Variants in CNTN1 observed in about 807,000 individuals in gnomAD.
The protein encoded by CNTN1 is contactin 1.
CNTN1 carries 38 observed loss-of-function variants against 126.4 expected under a neutral mutation model. That is an observed-to-expected ratio of 0.30 (90% CI 0.23 to 0.39). The LOEUF (loss-of-function observed/expected upper bound fraction) is 0.39. CNTN1 is among the 10% of genes least tolerant of loss of function. The pLI is 1.00. For synonymous variants in CNTN1, 413 were observed against 422.6 expected (o/e 0.98, Z 0.28); for missense variants, 1,009 against 1,248.4 (o/e 0.81, Z 2.89).
chr12:40,787,434 ACT>A (rs1940066932), intron 1 of CNTN1, among the ~76,000 whole-genome samples: 1 of 151,818 alleles, frequency 6.6e-6, no homozygotes, highest in African/African-American at 2.4e-5. Flanking sequence ...CATTTGGCAG[ACT>A]CTGCTTTTTG....
At chr12:40,746,766 G>A (rs1009894688) in intron 1 of CNTN1, among the ~76,000 whole-genome samples, 2 of 151,990 alleles carry the variant, frequency 1.3e-5, no homozygotes, top group Non-Finnish European at 2.9e-5. Context: ...CCCTTTTCCG[G>A]TGGAATGCCC....
intron 3 of CNTN1, among the ~76,000 whole-genome samples, chr12:40,911,033 G>A (rs900047190): frequency 2.6e-4 from 39 of 152,186 alleles, no homozygotes; most frequent in Non-Finnish European, 5.3e-4. Flanking sequence ...CCACTTGGCT[G>A]GGGAGGCCTC....
At chr12:40,979,083 A>G (rs768825775) in intron 15 of CNTN1, 6 of 152,174 alleles carry the variant, frequency 3.9e-5, no homozygotes, top group Non-Finnish European at 5.9e-5. Context: ...GAAAAATGCA[A>G]TATGTTCTCT....
intron 1 of CNTN1, among the ~76,000 whole-genome samples, chr12:40,775,298 T>G (rs1389795370): frequency 6.6e-6 from 1 of 151,450 alleles, no homozygotes; most frequent in African/African-American, 2.4e-5. Flanking sequence ...AATGCATGTT[T>G]CTTTAATATA....
chr12:41,025,021 A>G (rs1018488668), intron 20 of CNTN1, 129 bp from the exon 21 acceptor site: 2 of 918,738 alleles, frequency 2.2e-6, no homozygotes, highest in East Asian at 2.4e-5. Flanking sequence ...AAGGGTAGAT[A>G]TCATTAAGAA....
intron 23 of CNTN1, among the ~76,000 whole-genome samples, chr12:41,057,235 AT>A (rs1949846008): frequency 6.8e-6 from 1 of 146,278 alleles, no homozygotes; most frequent in Admixed American, 6.9e-5. Flanking sequence ...TATTATAAAT[AT>A]TTAGATATTA....
At chr12:40,888,010 GT>G (rs1944105433) in intron 1 of CNTN1, among the ~76,000 whole-genome samples, 1 of 124,012 alleles carries the variant, frequency 8.1e-6, no homozygotes, top group African/African-American at 3.2e-5. Flanking sequence ...TCTGGGGACT[GT>G]TGTGGGGTGG....
chr12:40,988,999 T>A (rs1229909627), intron 16 of CNTN1, among the ~76,000 whole-genome samples: 1 of 152,140 alleles, frequency 6.6e-6, no homozygotes, highest in Non-Finnish European at 1.5e-5. Context: ...GCAAAGTACT[T>A]TACTCTCTTT....
At chr12:40,900,840 TG>T (rs1422241065) in intron 1 of CNTN1, among the ~76,000 whole-genome samples, 2 of 152,158 alleles carry the variant, frequency 1.3e-5, no homozygotes, top group African/African-American at 4.8e-5. Context: ...AAATATTAAA[TG>T]AATATTAAAG....
chr12:40,754,357 T>C (rs989091526), intron 1 of CNTN1, among the ~76,000 whole-genome samples: 11 of 152,094 alleles, frequency 7.2e-5, no homozygotes, highest in Non-Finnish European at 1.5e-4. Context: ...TGACATGGTA[T>C]TTTCATATAA....
chr12:40,930,984 G>C (rs1799187356), intron 7 of CNTN1, among the ~76,000 whole-genome samples: 1 of 151,800 alleles, frequency 6.6e-6, no homozygotes, highest in South Asian at 2.1e-4. Flanking sequence ...AAATATACTT[G>C]CAATTCAGCA....
At chr12:40,767,429 C>T (rs1939148478) in intron 1 of CNTN1, among the ~76,000 whole-genome samples, 1 of 147,892 alleles carries the variant, frequency 6.8e-6, no homozygotes, top group Admixed American at 6.8e-5. Context: ...CTGCCCCAGC[C>T]TCCCGAGTAG....
intron 23 of CNTN1, among the ~76,000 whole-genome samples, chr12:41,067,070 A>T (rs1011548670): frequency 1.3e-5 from 2 of 152,218 alleles, no homozygotes; most frequent in Non-Finnish European, 2.9e-5. Flanking sequence ...ACCAATATAT[A>T]TTGAAAAACT....
chr12:41,012,863 G>A (rs897645093), intron 17 of CNTN1, among the ~76,000 whole-genome samples: 1 of 152,128 alleles, frequency 6.6e-6, no homozygotes, highest in Non-Finnish European at 1.5e-5. Context: ...TCATGGATGA[G>A]GTCCCCAGTA....
intron 1 of CNTN1, among the ~76,000 whole-genome samples, chr12:40,856,814 CA>C (rs1370143321): frequency 6.6e-6 from 1 of 151,924 alleles, no homozygotes; most frequent in East Asian, 1.9e-4. Context: ...AATCCATACA[CA>C]AAAATAACTT....
chr12:40,789,927 T>TA (rs1182319223), intron 1 of CNTN1, among the ~76,000 whole-genome samples: 3 of 152,128 alleles, frequency 2.0e-5, no homozygotes, highest in Non-Finnish European at 4.4e-5. Flanking sequence ...GGAAGATTCT[T>TA]ACTTTTTAGA....
intron 23 of CNTN1, among the ~76,000 whole-genome samples, chr12:41,066,275 T>C (rs1335535067): frequency 6.6e-6 from 1 of 152,176 alleles, no homozygotes; most frequent in East Asian, 1.9e-4. Context: ...ACCCCTTTCT[T>C]TGTCCAGGTT....
chr12:40,704,268 AAATAAG>A (rs1716170102), intron 1 of CNTN1, among the ~76,000 whole-genome samples: 1 of 152,158 alleles, frequency 6.6e-6, no homozygotes, highest in African/African-American at 2.4e-5. Flanking sequence ...AAAAATGTTA[AAATAAG>A]TCTAGATTTG....
chr12:41,026,167 C>G (rs1949033901), intron 21 of CNTN1, among the ~76,000 whole-genome samples: 1 of 152,148 alleles, frequency 6.6e-6, no homozygotes, highest in African/African-American at 2.4e-5. Flanking sequence ...AAGGAGCATT[C>G]ATTTTTGTTC....
Sources: allele counts gnomAD v4.1 joint callset (sites outside exome capture counted in the v4.1 genomes callset), GRCh38; gene constraint gnomAD v4.1.1; transcripts MANE v1.5; gene names NCBI Gene and HGNC (gene_info 2026-07-23, HGNC 2026-07-21).